FGD3: variants seen among roughly 807,000 people sequenced by gnomAD.
FGD3 encodes FYVE, RhoGEF and PH domain containing 3, also known as FYVE, RhoGEF and PH domain-containing protein 3.
Under a neutral mutation model 71.8 loss-of-function variants are expected in FGD3, and 45 were observed. That is an observed-to-expected ratio of 0.63 (90% confidence interval 0.49 to 0.80). FGD3 has a LOEUF of 0.80. Among genes scored for constraint, FGD3 ranks in the 30% least tolerant of loss-of-function variants. FGD3 has a pLI of 0.00. For missense variants in FGD3, 844 were observed against 951.5 expected, an observed-to-expected ratio of 0.89 and a Z score of 1.49; for synonymous variants, 378 against 392.8, an observed-to-expected ratio of 0.96 and a Z score of 0.44.
In FGD3 at chr9:93,035,241, GGT is replaced by G. The variant is rs1862548904; in HGVS notation, c.1927-96_1927-95del. On this transcript the variant is annotated intron_variant, in intron 17 of 17. Transcript: ENST00000375482. ...CTCAGCACCTGCCTTGCGTTGCAAG[GGT>G]CTGGGAGTGGCCTCCTGGGAGAGGC... The G allele has an allele frequency of 3.3e-6, 5 of 1,498,978 alleles. No homozygotes were observed. The African/African-American group carries it at 4.2e-5, about 12-fold the overall frequency. 92.9% of individuals were successfully genotyped at this position (1,498,978 alleles called of 1,614,324 possible). A position where few individuals can be genotyped will look rare whatever the true frequency, so the allele number is the denominator to read the frequency against.
chr9:92,957,650 T>C (rs1859084864), intron 1 of FGD3, among the ~76,000 whole-genome samples: 1 of 151,502 alleles, frequency 6.6e-6, no homozygotes, highest in South Asian at 2.1e-4. Flanking sequence ...TCTCCCAATC[T>C]GTGATTTGTC....
chr9:93,010,183 C>T, intron 6 of FGD3, 63 bp from the exon 7 acceptor site: 1 of 1,525,454 alleles, frequency 6.6e-7, no homozygotes, highest in Non-Finnish European at 8.9e-7. Flanking sequence ...TGGCCAGAAG[C>T]CGGTGGGGCT....
At position 92,969,685 on chromosome 9, in the gene FGD3, G is replaced by C. The variant is rs116617554; in HGVS notation, c.-217-5553G>C. ...TTCAGATGGGGGGGGACTCCCGCAC[G>C]GCCTCCCGGGAAGGGACATCTGGTG... On this transcript the variant is annotated intron_variant, in intron 1 of 17. Transcript: ENST00000375482. The surrounding 1 kb of genome is among the most constrained non-coding windows in gnomAD (Gnocchi z 4.5). Among the ~76,000 whole-genome samples the C allele has an allele frequency of 6.6e-6, 1 of 152,082 alleles. No individual in the cohort carries two copies. The highest frequency in any genetic ancestry group is 2.1e-4 in the South Asian group (1 of 4,820).
At chr9:93,015,377 ACAC>A (rs1861632481) in intron 9 of FGD3, among the ~76,000 whole-genome samples, 1 of 152,116 alleles carries the variant, frequency 6.6e-6, no homozygotes, top group South Asian at 2.1e-4. Context: ...AAGCTCTTAA[ACAC>A]GGGAGACGGA....
In FGD3 at chr9:93,006,061, C is replaced by G. The variant is rs529491964; in HGVS notation, c.718C>G (p.Leu240Val). ...NPRLGDILQK[L>V]APFLKMYGEY... Reference sequence around the variant, plus strand: ...ACGGCTCGGGGACATCCTGCAGAAGCTGGCCCCATTCCTGAAGATGTACGG... The same window carrying G: ...ACGGCTCGGGGACATCCTGCAGAAGGTGGCCCCATTCCTGAAGATGTACGG... The change falls in exon 6 of 18, where the codon CTG (leucine) becomes GTG (valine). Residue 240 changes from leucine (L) to valine (V), a missense_variant. Leu to Val is a conservative substitution (Grantham distance 32). Transcript: ENST00000375482. The G allele has an allele frequency of 1.9e-6, 3 of 1,611,922 alleles. No individual in the cohort carries two copies. The highest frequency in any genetic ancestry group is 1.3e-5 in the African/African-American group (1 of 74,792).
intron 16 of FGD3, chr9:93,033,338 T>G (rs1245900253): frequency 8.4e-6 from 1 of 118,804 alleles, no homozygotes. Context: ...CTCCTCCTCC[T>G]CCCCGTCCCC....
Position 93,003,055 on chromosome 9 carries a change from C to T in FGD3, c.543+41C>T. 2 of 1,573,906 alleles carry T rather than the reference C, an allele frequency of 1.3e-6. No individual in the cohort carries two copies. Among genetic ancestry groups the T allele is most frequent in the Non-Finnish European group, 1.7e-6 (2 of 1,143,764 alleles). ...TGGGGGCAGTTTCAGTATCTCTTAG[C>T]ATTGGCTGGGCATTATAGGTGCAGT... On this transcript the variant is annotated intron_variant, in intron 4 of 17. Coordinates refer to ENST00000375482, the MANE Select transcript of FGD3 (RefSeq NM_001083536.2). This position sits in a 1 kb window ranked among gnomAD's most constrained non-coding sequence, Gnocchi z 4.1.
At chr9:92,981,358 A>T (rs1859987238) in intron 3 of FGD3, among the ~76,000 whole-genome samples, 1 of 127,708 alleles carries the variant, frequency 7.8e-6, no homozygotes, top group African/African-American at 3.0e-5. Flanking sequence ...ACAGAGCGAG[A>T]TTCCATCTCC....
At chr9:92,979,267 T>C (rs1296549525) in intron 3 of FGD3, among the ~76,000 whole-genome samples, 1 of 152,190 alleles carries the variant, frequency 6.6e-6, no homozygotes, top group African/African-American at 2.4e-5. Flanking sequence ...CTTTATTATA[T>C]TGAGGTAGTT....
chr9:92,962,838 G>A (rs1859195483), intron 1 of FGD3, among the ~76,000 whole-genome samples: 1 of 151,812 alleles, frequency 6.6e-6, no homozygotes, highest in African/African-American at 2.4e-5. Flanking sequence ...CTACTTGGAA[G>A]GATGAGGCAG....
chr9:92,995,712 T>A (rs1220949764), intron 3 of FGD3, among the ~76,000 whole-genome samples: 4 of 152,256 alleles, frequency 2.6e-5, no homozygotes. Context: ...TGAAGGCCTT[T>A]TCTGCATCTA....
At chr9:92,990,401 T>C (rs1449511564) in intron 3 of FGD3, among the ~76,000 whole-genome samples, 13 of 152,240 alleles carry the variant, frequency 8.5e-5, no homozygotes, top group Non-Finnish European at 1.6e-4. Context: ...CCCATTTGGA[T>C]GCCTTTTATT....
chr9:92,983,548 A>T (rs958853050), intron 3 of FGD3, among the ~76,000 whole-genome samples: 4 of 152,204 alleles, frequency 2.6e-5, no homozygotes, highest in African/African-American at 9.6e-5. Context: ...AACGAAAAAC[A>T]GTTATCATTA....
chr9:92,965,699 C>T (rs970257206), intron 1 of FGD3, among the ~76,000 whole-genome samples: 9 of 152,220 alleles, frequency 5.9e-5, no homozygotes, highest in Admixed American at 1.3e-4. Flanking sequence ...CACCACTGTC[C>T]GAGGATGGGC....
In FGD3 at chr9:92,947,604, G is replaced by A. The variant is rs1858879503; in HGVS notation, c.-343G>A. The A allele has an allele frequency of 6.6e-6, 1 of 152,516 alleles. No homozygotes were observed. Among genetic ancestry groups the A allele is most frequent in the African/African-American group, 2.4e-5 (1 of 41,476 alleles). The allele number at this position is 152,516 out of a possible 1,614,324, so 9.4% of individuals were successfully genotyped here. On this transcript the variant is annotated 5_prime_UTR_variant, in exon 1 of 18. Coordinates refer to ENST00000375482, the MANE Select transcript of FGD3 (RefSeq NM_001083536.2). ...ACCCCAGCCTCCTGCTGCCCACTGT[G>A]AGCGACCTCCCCGGGGCTCCTCTGG...
At chr9:93,010,540 G>C (rs1267623242) in intron 7 of FGD3, among the ~76,000 whole-genome samples, 156 bp downstream of exon 7, 113 of 151,974 alleles carry the variant, frequency 7.4e-4, no homozygotes, top group African/African-American at 2.6e-3. Context: ...AGAGGCAGGG[G>C]AGGGAGAGAG....
intron 3 of FGD3, among the ~76,000 whole-genome samples, chr9:92,991,834 G>A (rs1161103614): frequency 6.6e-6 from 1 of 152,086 alleles, no homozygotes; most frequent in Non-Finnish European, 1.5e-5. Flanking sequence ...AGGTGCTCTA[G>A]TATTTGGTGC....
intron 14 of FGD3, among the ~76,000 whole-genome samples, chr9:93,022,953 C>G (rs1208907483): frequency 6.6e-6 from 1 of 152,164 alleles, no homozygotes. Context: ...CACGCGCCCG[C>G]CTGCCAGGGG....
Position 93,035,910 on chromosome 9 carries a change from A to G in FGD3, c.*321A>G, listed in dbSNP as rs1185974229. 1 of 320,076 alleles carries G rather than the reference A, an allele frequency of 3.1e-6. No homozygotes were observed. Among genetic ancestry groups the G allele is most frequent in the African/African-American group, 2.1e-5 (1 of 46,690 alleles). 19.8% of individuals were successfully genotyped at this position (320,076 alleles called of 1,614,324 possible). ...GGCCCGGAAGGCAGAAAGAGGCAGC[A>G]TGGGCACTGCCAGGGACAGCCACAT... On this transcript the variant is annotated 3_prime_UTR_variant, in exon 18 of 18. Transcript: ENST00000375482.
Sources: allele counts gnomAD v4.1 joint callset (sites outside exome capture counted in the v4.1 genomes callset), GRCh38; gene constraint gnomAD v4.1.1; non-coding constraint Gnocchi (gnomAD v3.1); transcripts MANE v1.5; gene names NCBI Gene and HGNC (gene_info 2026-07-23, HGNC 2026-07-21).